The following AP1G2 variants were observed in gnomAD, a reference collection of about 807,000 sequenced individuals.
AP1G2 encodes the protein AP-1 complex subunit gamma-like 2.
In AP1G2, 85 loss-of-function variants were observed where a neutral mutation model predicts 95.8. The ratio of observed to expected loss-of-function variants is 0.89; its 90% confidence interval spans 0.74 to 1.06. The LOEUF is 1.06. Ranked by LOEUF, AP1G2 falls within the 50% of genes least tolerant of loss-of-function variation. The pLI is 0.00. For synonymous variants in AP1G2, 378 were observed against 400.0 expected (o/e 0.94, Z 0.66); for missense variants, 967 against 1,005.8 (o/e 0.96, Z 0.52).
chr14:23,566,475 A>G, intron 3 of AP1G2, 56 bp from the exon 4 acceptor site: 2 of 1,607,618 alleles, frequency 1.2e-6, no homozygotes, highest in South Asian at 2.2e-5. Context: ...GTCCTTTTCA[A>G]TACCCACAAC....
chr14:23,561,866 G>C, intron 17 of AP1G2, 96 bp downstream of exon 17: 1 of 1,500,998 alleles, frequency 6.7e-7, no homozygotes. Context: ...GGATATGGAA[G>C]AACACAGGTG....
intron 3 of AP1G2, 25 bp from the exon 4 acceptor site, chr14:23,566,444 G>T: frequency 6.2e-7 from 1 of 1,610,168 alleles, no homozygotes; most frequent in Non-Finnish European, 8.5e-7. Context: ...AGGACGGTCA[G>T]TCAAACCTCT....
chr14:23,566,930 AG>A (rs1287815577), intron 2 of AP1G2, 180 bp downstream of exon 2: 10 of 890,526 alleles, frequency 1.1e-5, no homozygotes, highest in Non-Finnish European at 1.7e-5. Context: ...CAGAGAATGA[AG>A]GGTTCAGGCC....
Position 23,567,100 on chromosome 14 carries a change from C to T in AP1G2, c.204+11G>A, listed in dbSNP as rs1566666940. 1.9e-6 allele frequency: 3 copies of T among 1,605,202 alleles called. No homozygotes were observed. In the East Asian group the frequency reaches 6.7e-5, roughly 36 times the overall value. Reference sequence around the variant, plus strand: ...CATCAAGCTCAGGAGGGAGGTATTCCTGGCCAGTACCTGTCCAAAGTGGGC... The same window carrying T: ...CATCAAGCTCAGGAGGGAGGTATTCTTGGCCAGTACCTGTCCAAAGTGGGC... On this transcript the variant is annotated intron_variant, in intron 2 of 21. Coordinates refer to ENST00000397120, the MANE Select transcript of AP1G2 (RefSeq NM_003917.5). The surrounding 1 kb of genome is among the most constrained non-coding windows in gnomAD (Gnocchi z 5.3).
rs1248695065 is a variant in AP1G2, at chr14:23,560,034, ACT to A, written c.2158_2159del (p.Leu721ProfsTer30). On this transcript the variant is annotated frameshift_variant and splice_region_variant, in exon 21 of 22. Coordinates refer to ENST00000397120, the MANE Select transcript of AP1G2 (RefSeq NM_003917.5). LOFTEE classifies it high-confidence loss of function. Reference protein sequence around the residue: ...HFICQAAVPKSLQLQLQAPSG... With the variant: ...HFICQAAVPKXLQLQLQAPSG... ...TGGGGGCCTGCAGCTGCAGCTGGAGACTCTGAACACAGGAGTTTAACAGAGCA... is the reference window on the plus strand; with the variant it reads ...TGGGGGCCTGCAGCTGCAGCTGGAGACTGAACACAGGAGTTTAACAGAGCA... The A allele has an allele frequency of 4.9e-5, 78 of 1,599,524 alleles. No homozygotes were observed. The highest frequency in any genetic ancestry group is 6.1e-5 in the Non-Finnish European group (71 of 1,169,690).
intron 14 of AP1G2, 171 bp downstream of exon 14, chr14:23,563,209 G>A: frequency 2.8e-6 from 4 of 1,443,696 alleles, no homozygotes; most frequent in Non-Finnish European, 3.6e-6. Context: ...CCAGAGTCAG[G>A]ACAAAAGCCC....
chr14:23,561,788 T>G, intron 17 of AP1G2, 153 bp from the exon 18 acceptor site: 3 of 1,465,614 alleles, frequency 2.0e-6, no homozygotes, highest in Non-Finnish European at 2.7e-6. Context: ...TTGCTGATTT[T>G]CAGATGAACA....
chr14:23,564,379 C>T lies in AP1G2; in HGVS notation c.931G>A (p.Val311Ile). Residue 311 changes from valine (V) to isoleucine (I), a missense_variant, in exon 10 of 22, where the codon GTC (valine) becomes ATC (isoleucine). Physicochemically the swap from Val to Ile is conservative, Grantham distance 29. Transcript: ENST00000397120. Reference protein sequence around the residue: ...RSAAGLRVLAVNILGRFLLNS... With the variant: ...RSAAGLRVLAINILGRFLLNS... ...AGTAGGAAGCGACCAAGAATGTTGACAGCTAGAACCTATGAGAGGCAGAAG... is the reference window on the plus strand; with the variant it reads ...AGTAGGAAGCGACCAAGAATGTTGATAGCTAGAACCTATGAGAGGCAGAAG... 6.2e-7 allele frequency: 1 copy of T among 1,614,182 alleles called. No homozygotes were observed. The highest frequency in any genetic ancestry group is 1.1e-5 in the South Asian group (1 of 91,088).
At chr14:23,566,753 A>G in intron 2 of AP1G2, 67 bp from the exon 3 acceptor site, 1 of 1,584,300 alleles carries the variant, frequency 6.3e-7, no homozygotes, top group Non-Finnish European at 8.6e-7. Flanking sequence ...TCCCTGTTCC[A>G]TCTTCCTCTT....
At position 23,559,855 on chromosome 14, in the gene AP1G2, G is replaced by T; in HGVS notation, c.2257-5C>A. 1 of 1,614,044 alleles carries T rather than the reference G, an allele frequency of 6.2e-7. No individual in the cohort carries two copies. Among genetic ancestry groups the T allele is most frequent in the Non-Finnish European group, 8.5e-7 (1 of 1,180,002 alleles). ...CAGCTTTAGCCGCAGGGGGGCCTAG[G>T]AATAGGAGAGCAGGGACCAGGGTTA... On this transcript the variant is annotated splice_region_variant and splice_polypyrimidine_tract_variant and intron_variant, in intron 21 of 21. Transcript: ENST00000397120.
At position 23,561,323 on chromosome 14, in the gene AP1G2, C is replaced by A. The variant is rs1388001130; in HGVS notation, c.1966G>T (p.Asp656Tyr). 2 of 1,561,286 alleles carry A rather than the reference C, an allele frequency of 1.3e-6. No individual in the cohort carries two copies. The highest frequency in any genetic ancestry group is 3.8e-5 in the Admixed American group (2 of 52,158). Residue 656 changes from aspartate (D) to tyrosine (Y), a missense_variant, in exon 19 of 22, where the codon GAC (aspartate) becomes TAC (tyrosine). Transcript: ENST00000397120. ...GGGGGTGGAGGTACACAGGGAAGGT[C>A]AAGCAGGTGTACCAGGGCACCTCCT... ...SPGGALVHLL[D>Y]LPCVPPPPAP...
chr14:23,561,451 G>A lies in AP1G2; in HGVS notation c.1858-20C>T, dbSNP rs1260206886. 11 of 1,613,708 alleles carry A rather than the reference G, an allele frequency of 6.8e-6. No homozygotes were observed. Among genetic ancestry groups the A allele is most frequent in the African/African-American group, 4.0e-5 (3 of 75,008 alleles). ...TGAGGCCTGGCAGAAGGGACAGAAGGGGCAGGGCTGGGTATGAAGCTCAGC... is the reference window on the plus strand; with the variant it reads ...TGAGGCCTGGCAGAAGGGACAGAAGAGGCAGGGCTGGGTATGAAGCTCAGC... On this transcript the variant is annotated intron_variant, in intron 18 of 21. Transcript: ENST00000397120.
intron 19 of AP1G2, chr14:23,561,012 G>C (rs1013077905): frequency 1.1e-6 from 1 of 938,092 alleles, no homozygotes; most frequent in Non-Finnish European, 1.4e-6. Context: ...CCAAGGGTGG[G>C]AGGGTGTGAG....
Position 23,567,701 on chromosome 14 carries a change from GCAGCGA to G in AP1G2, c.-6+32_-6+37del. The G allele has an allele frequency of 9.6e-7, 1 of 1,041,160 alleles. No homozygotes were observed. The highest frequency in any genetic ancestry group is 1.2e-6 in the Non-Finnish European group (1 of 864,648). The allele number at this position is 1,041,160 out of a possible 1,614,324, so 64.5% of individuals were successfully genotyped here. On this transcript the variant is annotated intron_variant, in intron 1 of 21. Coordinates refer to ENST00000397120, the MANE Select transcript of AP1G2 (RefSeq NM_003917.5). This position sits in a 1 kb window ranked among gnomAD's most constrained non-coding sequence, Gnocchi z 5.3. Reference sequence around the variant, plus strand: ...ATTTCCATCTCAGGCAGCGGCAGCGGCAGCGACAGCCTGCCTACCCCAGGACTCCAG... The same window carrying G: ...ATTTCCATCTCAGGCAGCGGCAGCGGCAGCCTGCCTACCCCAGGACTCCAG...
Position 23,560,410 on chromosome 14 carries a change from G to A in AP1G2, c.2002C>T (p.Pro668Ser), listed in dbSNP as rs760675907. Residue 668 changes from proline to serine, a missense_variant, in exon 20 of 22, where the codon CCA becomes TCA. Pro to Ser is a moderately conservative substitution (Grantham distance 74). Coordinates refer to ENST00000397120, the MANE Select transcript of AP1G2 (RefSeq NM_003917.5). The part of the protein sequence containing the change: ...PCVPPPPAPI[P>S]DLKVFEREGV... ...TCACGCTCAAACACTTTGAGATCTG[G>A]GATGGGAGCTGGAGTAGGGAGACAG... 5 of 1,613,240 alleles carry A rather than the reference G, an allele frequency of 3.1e-6. No homozygotes were observed. The East Asian group carries it at 1.1e-4, about 36-fold the overall frequency.
Position 23,561,942 on chromosome 14 carries a change from C to T in AP1G2, c.1733+20G>A, listed in dbSNP as rs768476906. ...GGGCAGGGGTTTGGGTCCCATGCTGCAGCACAGTGCTGGACACACCTCATG... is the reference window on the plus strand; with the variant it reads ...GGGCAGGGGTTTGGGTCCCATGCTGTAGCACAGTGCTGGACACACCTCATG... On this transcript the variant is annotated intron_variant, in intron 17 of 21. Transcript: ENST00000397120. 1.3e-6 allele frequency: 2 copies of T among 1,593,670 alleles called. No individual in the cohort carries two copies. The highest frequency in any genetic ancestry group is 1.3e-5 in the African/African-American group (1 of 74,240).
At position 23,563,607 on chromosome 14, in the gene AP1G2, T is replaced by C. The variant is rs1234079642; in HGVS notation, c.1264A>G (p.Thr422Ala). ...FAPTKRWHID[T>A]ILHVLTTAGT... ...ACCGTTGTCAGCACATGCAGGATGG[T>C]GTCTATGTGCCAGCGTTTGGTTGGA... Residue 422 changes from threonine to alanine, a missense_variant, in exon 13 of 22, where the codon ACC becomes GCC. Thr to Ala is a moderately conservative substitution (Grantham distance 58). Coordinates refer to ENST00000397120, the MANE Select transcript of AP1G2 (RefSeq NM_003917.5). The C allele has an allele frequency of 6.2e-7, 1 of 1,614,220 alleles. No homozygotes were observed. Among genetic ancestry groups the C allele is most frequent in the South Asian group, 1.1e-5 (1 of 91,084 alleles).
rs1888730440 is a variant in AP1G2, at chr14:23,567,672, C to T, written c.-6+67G>A. ...GCTGTTTCTTCCGCGAGCTTCCTCCCCCGATTTCCATCTCAGGCAGCGGCA... is the reference window on the plus strand; with the variant it reads ...GCTGTTTCTTCCGCGAGCTTCCTCCTCCGATTTCCATCTCAGGCAGCGGCA... On this transcript the variant is annotated intron_variant, in intron 1 of 21. Coordinates refer to ENST00000397120, the MANE Select transcript of AP1G2 (RefSeq NM_003917.5). The surrounding 1 kb of genome is among the most constrained non-coding windows in gnomAD (Gnocchi z 5.3). The T allele has an allele frequency of 9.5e-7, 1 of 1,056,148 alleles. No individual in the cohort carries two copies. Among genetic ancestry groups the T allele is most frequent in the Non-Finnish European group, 1.1e-6 (1 of 874,706 alleles). The allele number at this position is 1,056,148 out of a possible 1,614,324, so 65.4% of individuals were successfully genotyped here.
rs180755658 is a variant in AP1G2 at position 23,567,026 on chromosome 14, C to T, written c.204+85G>A. On this transcript the variant is annotated intron_variant, in intron 2 of 21. Transcript: ENST00000397120. The surrounding 1 kb of genome is among the most constrained non-coding windows in gnomAD (Gnocchi z 5.3). ...CTCTGAAATTGTAGAATTTAAAAAA[C>T]CAGGGCATAAACAGGTGAGAGAGTC... 20 of 1,402,476 alleles carry T rather than the reference C, an allele frequency of 1.4e-5. No individual in the cohort carries two copies. In the African/African-American group the frequency reaches 2.6e-4, roughly 18 times the overall value. The allele number at this position is 1,402,476 out of a possible 1,614,324, so 86.9% of individuals were successfully genotyped here. A position where few individuals can be genotyped will look rare whatever the true frequency, so the allele number is the denominator to read the frequency against.
Sources: allele counts gnomAD v4.1 joint callset, GRCh38; gene constraint gnomAD v4.1.1; non-coding constraint Gnocchi (gnomAD v3.1); transcripts MANE v1.5; gene names NCBI Gene and HGNC (gene_info 2026-07-23, HGNC 2026-07-21).